SH2D6: variants seen among roughly 807,000 people sequenced by gnomAD.
SH2D6 encodes SH2 domain containing 6.
A neutral mutation model predicts 30.2 loss-of-function variants in SH2D6; 31 were observed. The ratio of observed to expected loss-of-function variants is 1.03; its 90% CI spans 0.77 to 1.38. The LOEUF (loss-of-function observed/expected upper bound fraction) is 1.38, where lower values mean the gene tolerates loss of function less well. Ranked by LOEUF, SH2D6 falls within the 40% of genes most tolerant of loss-of-function variation. The pLI, the probability that SH2D6 is intolerant of heterozygous loss-of-function variation, is 0.00. For missense variants in SH2D6, 240 were observed against 266.8 expected (o/e 0.90, Z 0.70); for synonymous variants, 93 against 104.6 (o/e 0.89, Z 0.68).
rs148454554 is a variant in SH2D6 at position 85,435,696 on chromosome 2, G to A, written c.763G>A (p.Gly255Arg). Residue 255 changes from glycine (G) to arginine (R), a missense_variant, in exon 22 of 24, where the codon GGG becomes AGG. Transcript: ENST00000469800. ...GGCCTATACCGTGCGCCCCAGCTCAGGGCCTCATGGCTCCCAGCCCTTCAC... is the reference window on the plus strand; with the variant it reads ...GGCCTATACCGTGCGCCCCAGCTCAAGGCCTCATGGCTCCCAGCCCTTCAC... ...DGAYTVRPSS[G>R]PHGSQPFTLA... The A allele has an allele frequency of 5.6e-6, 9 of 1,612,660 alleles. No individual in the cohort carries two copies. Among genetic ancestry groups the A allele is most frequent in the African/African-American group, 1.3e-5 (1 of 74,914 alleles).
chr2:85,424,134 T>C (rs993577772), intron 5 of SH2D6, among the ~76,000 whole-genome samples: 8 of 152,252 alleles, frequency 5.3e-5, no homozygotes, highest in African/African-American at 1.9e-4. Context: ...CCTAACCTCA[T>C]GTTCAGAAAG....
intron 14 of SH2D6, among the ~76,000 whole-genome samples, 193 bp downstream of exon 14, chr2:85,432,152 A>G (rs550595886): frequency 6.6e-6 from 1 of 151,984 alleles, no homozygotes; most frequent in African/African-American, 2.4e-5. Flanking sequence ...AATGAAATGA[A>G]TGAGGAGACT....
chr2:85,435,683 G>T lies in SH2D6; in HGVS notation c.750G>T (p.Val250=). 6.2e-7 allele frequency: 1 copy of T among 1,610,300 alleles called. No individual in the cohort carries two copies. Among genetic ancestry groups the T allele is most frequent in the Non-Finnish European group, 8.5e-7 (1 of 1,178,190 alleles). ...LHLQKDGAYT[V]RPSSGPHGSQ... ...CTCCACAGGATGGGGCCTATACCGT[G>T]CGCCCCAGCTCAGGGCCTCATGGCT... The change falls in exon 22 of 24, where the codon GTG becomes GTT. Residue 250 remains valine, a synonymous_variant. Coordinates refer to ENST00000469800, the MANE Select transcript of SH2D6 (RefSeq NM_001394463.1).
chr2:85,435,592 C>T, intron 21 of SH2D6, 74 bp from the exon 22 acceptor site: 2 of 1,581,394 alleles, frequency 1.3e-6, no homozygotes, highest in South Asian at 2.3e-5. Context: ...CAGGAGGGTT[C>T]TGGCCCCATC....
Position 85,434,083 on chromosome 2 carries a change from C to A in SH2D6, c.505C>A (p.Pro169Thr). ...LSFQVLMPSGPLPRTSVVPRP... is the reference protein window; with the variant it reads ...LSFQVLMPSGTLPRTSVVPRP... Reference sequence around the variant, plus strand: ...CTTCCAAGTCCTGATGCCCTCAGGCCCTCTGCCCAGGACATCAGTGGTGCC... The same window carrying A: ...CTTCCAAGTCCTGATGCCCTCAGGCACTCTGCCCAGGACATCAGTGGTGCC... Residue 169 changes from proline to threonine, a missense_variant, in exon 17 of 24, where the codon CCT becomes ACT. Transcript: ENST00000469800. The A allele has an allele frequency of 6.4e-7, 1 of 1,550,604 alleles. No individual in the cohort carries two copies. The highest frequency in any genetic ancestry group is 8.7e-7 in the Non-Finnish European group (1 of 1,146,992).
At chr2:85,435,915 A>G (rs1043732930) in intron 22 of SH2D6, 91 bp downstream of exon 22, 16 of 1,417,280 alleles carry the variant, frequency 1.1e-5, no homozygotes, top group Non-Finnish European at 1.5e-5. Flanking sequence ...AAAAATCTTC[A>G]TTTTGTATCT....
chr2:85,432,871 AGCCAGGCCT>A (rs1688920540), intron 14 of SH2D6, among the ~76,000 whole-genome samples: 1 of 152,186 alleles, frequency 6.6e-6, no homozygotes, highest in African/African-American at 2.4e-5. Flanking sequence ...AGTCATTTGG[AGCCAGGCCT>A]GCCAAGTCAG....
At chr2:85,435,920 G>T in intron 22 of SH2D6, 96 bp downstream of exon 22, 1 of 1,412,600 alleles carries the variant, frequency 7.1e-7, no homozygotes, top group South Asian at 1.5e-5. Context: ...TCTTCATTTT[G>T]TATCTTTCTG....
At chr2:85,432,302 C>G (rs1243560971) in intron 14 of SH2D6, among the ~76,000 whole-genome samples, 1 of 149,900 alleles carries the variant, frequency 6.7e-6, no homozygotes, top group Non-Finnish European at 1.5e-5. Context: ...TGCTGGAGTG[C>G]AGTGGCACGA....
chr2:85,433,654 G>A, intron 16 of SH2D6, 23 bp downstream of exon 16: 1 of 1,043,904 alleles, frequency 9.6e-7, no homozygotes, highest in East Asian at 8.7e-5. Context: ...CTCAGCTCCA[G>A]ACCCCTCCTG....
At chr2:85,432,996 C>T (rs568566034) in intron 14 of SH2D6, 103 bp from the exon 15 acceptor site, 162 of 941,914 alleles carry the variant, frequency 1.7e-4, no homozygotes, top group East Asian at 1.0e-3. Flanking sequence ...ATGTCCTCCT[C>T]GGAGGCACCC....
chr2:85,427,435 C>T (rs1688141759), intron 6 of SH2D6, among the ~76,000 whole-genome samples: 1 of 152,246 alleles, frequency 6.6e-6, no homozygotes, highest in Non-Finnish European at 1.5e-5. Flanking sequence ...CAGATCTGCC[C>T]AGGCCAGTGC....
rs750068624 is a variant in SH2D6, at chr2:85,436,623, T to C, written c.*12+29T>C. On this transcript the variant is annotated intron_variant, in intron 23 of 23. Transcript: ENST00000469800. ...CACACCGCCTTTGGCCCCAGTTTGC[T>C]TCTTGTCCCGCCCCACCTTGGGCTG... 1.9e-6 allele frequency: 3 copies of C among 1,554,348 alleles called. No homozygotes were observed. In the African/African-American group the frequency reaches 4.1e-5, roughly 21 times the overall value.
chr2:85,433,448 T>C, intron 15 of SH2D6, 123 bp from the exon 16 acceptor site: 1 of 313,228 alleles, frequency 3.2e-6, no homozygotes, highest in Non-Finnish European at 4.6e-6. Flanking sequence ...GGTCACCATG[T>C]GAGGAGGGAG....
chr2:85,434,879 T>A, intron 19 of SH2D6, 186 bp from the exon 20 acceptor site: 4 of 1,553,382 alleles, frequency 2.6e-6, no homozygotes, highest in Non-Finnish European at 3.5e-6. Flanking sequence ...ACACGAGGCC[T>A]GGCTGGTGGG....
intron 13 of SH2D6, 94 bp from the exon 14 acceptor site, chr2:85,431,805 A>G (rs1190878000): frequency 6.6e-6 from 1 of 152,592 alleles, no homozygotes; most frequent in Non-Finnish European, 1.5e-5. Flanking sequence ...TTTTAAAGCT[A>G]CACAGATACA....
intron 7 of SH2D6, among the ~76,000 whole-genome samples, chr2:85,429,023 C>A (rs1435562739): frequency 6.6e-6 from 1 of 152,252 alleles, no homozygotes; most frequent in African/African-American, 2.4e-5. Context: ...GCTTCCCTCG[C>A]CTTCATCTCC....
In SH2D6 at chr2:85,421,125, T is replaced by G. The variant is rs186926887; in HGVS notation, c.-576-1078T>G. 1.9e-3 allele frequency among the ~76,000 whole-genome samples: 287 copies of G among 152,294 alleles called. 2 individuals carry two copies. Among genetic ancestry groups the G allele is most frequent in the African/African-American group, 6.5e-3 (270 of 41,564 alleles). On this transcript the variant is annotated intron_variant, in intron 2 of 23. Coordinates refer to ENST00000469800, the MANE Select transcript of SH2D6 (RefSeq NM_001394463.1). ...GGAGAAGCTTGGCTCCCAGGCTCTG[T>G]GCTGAAGAAGGAAGCCTAAGCAGGG...
At chr2:85,419,510 CTT>C (rs1019267091) in intron 2 of SH2D6, among the ~76,000 whole-genome samples, 1 of 152,210 alleles carries the variant, frequency 6.6e-6, no homozygotes, top group African/African-American at 2.4e-5. Context: ...AGGGCAGCCT[CTT>C]TCCAGAGGCC....
Sources: allele counts gnomAD v4.1 joint callset (sites outside exome capture counted in the v4.1 genomes callset), GRCh38; gene constraint gnomAD v4.1.1; transcripts MANE v1.5; gene names NCBI Gene and HGNC (gene_info 2026-07-23, HGNC 2026-07-21).